Variants in SFXN5 observed in about 807,000 individuals in gnomAD.
The protein encoded by SFXN5 is sideroflexin-5.
Under a neutral mutation model 50.2 loss-of-function variants are expected in SFXN5, and 43 were observed. The observed-to-expected ratio is 0.86, with a 90% CI of 0.67 to 1.11. The LOEUF is 1.11. Ranked by LOEUF, SFXN5 falls within the 50% of genes least tolerant of loss-of-function variation. The probability of loss-of-function intolerance (pLI) is 0.00; values close to 1 mark genes in which losing one functional copy is unlikely to be tolerated. For missense variants in SFXN5, 463 were observed against 454.1 expected, an observed-to-expected ratio of 1.02 and a Z score of -0.18; for synonymous variants, 203 against 185.8, an observed-to-expected ratio of 1.09 and a Z score of -0.75.
At chr2:72,971,497 GAC>G in intron 11 of SFXN5, 71 bp downstream of exon 11, 3 of 1,042,606 alleles carry the variant, frequency 2.9e-6, no homozygotes, top group Non-Finnish European at 4.4e-6. Flanking sequence ...GCCTGTGGAA[GAC>G]ACACGCTAAA....
intron 2 of SFXN5, among the ~76,000 whole-genome samples, chr2:73,041,391 G>A (rs1574203615): frequency 6.6e-6 from 1 of 152,262 alleles, no homozygotes; most frequent in South Asian, 2.1e-4. Context: ...TAATCTTAAT[G>A]TAATGTTGAA....
intron 3 of SFXN5, among the ~76,000 whole-genome samples, chr2:73,035,081 G>A (rs1678804640): frequency 6.6e-6 from 1 of 152,128 alleles, no homozygotes; most frequent in Non-Finnish European, 1.5e-5. Flanking sequence ...TGGAAAATTG[G>A]GTTGATACAG....
Position 73,031,356 on chromosome 2 carries a change from C to T in SFXN5, c.250-8142G>A, listed in dbSNP as rs769462687. On this transcript the variant is annotated intron_variant, in intron 3 of 13. Coordinates refer to ENST00000272433, the MANE Select transcript of SFXN5 (RefSeq NM_144579.3). The stretch of plus-strand genomic sequence containing the variant: ...AGCCTCAGCCATGAAGATAGCACGA[C>T]GCCCAAAGAGATGGTAGAGAAACAT... Among the ~76,000 whole-genome samples the T allele has an allele frequency of 2.6e-5, 4 of 152,174 alleles. No individual in the cohort carries two copies. In the South Asian group the frequency reaches 6.2e-4, roughly 24 times the overall value.
chr2:73,063,902 T>C (rs1049896277), intron 1 of SFXN5, among the ~76,000 whole-genome samples: 1 of 152,212 alleles, frequency 6.6e-6, no homozygotes, highest in Non-Finnish European at 1.5e-5. Context: ...TCAAAATGTA[T>C]AGCCTCCCTC....
At chr2:72,947,958 A>G (rs1188084585) in intron 13 of SFXN5, among the ~76,000 whole-genome samples, 1 of 152,262 alleles carries the variant, frequency 6.6e-6, no homozygotes, top group Non-Finnish European at 1.5e-5. Flanking sequence ...CAAATTAGCA[A>G]AAATTTGTGC....
At chr2:73,003,114 G>T (rs1264977871) in intron 6 of SFXN5, among the ~76,000 whole-genome samples, 2 of 152,044 alleles carry the variant, frequency 1.3e-5, no homozygotes, top group Admixed American at 6.5e-5. Flanking sequence ...CAGACCAGAG[G>T]GAGGGAGCTG....
At chr2:73,007,768 C>T (rs1347387722) in intron 6 of SFXN5, among the ~76,000 whole-genome samples, 2 of 152,154 alleles carry the variant, frequency 1.3e-5, no homozygotes, top group Non-Finnish European at 2.9e-5. Flanking sequence ...CAACAATTGT[C>T]CTGTTTTTTC....
intron 9 of SFXN5, among the ~76,000 whole-genome samples, chr2:72,996,336 C>G (rs571513865): frequency 6.6e-6 from 1 of 152,234 alleles, no homozygotes; most frequent in South Asian, 2.1e-4. Context: ...CTGGGAACCC[C>G]AGAGGGCTCC....
intron 3 of SFXN5, among the ~76,000 whole-genome samples, chr2:73,028,438 C>T (rs2105869292): frequency 6.6e-6 from 1 of 152,328 alleles, no homozygotes; most frequent in East Asian, 1.9e-4. Flanking sequence ...GAGGGCCATG[C>T]AGTCCCCATG....
chr2:72,947,690 G>A (rs1409516307), intron 13 of SFXN5, among the ~76,000 whole-genome samples: 3 of 152,138 alleles, frequency 2.0e-5, no homozygotes, highest in Admixed American at 1.3e-4. Context: ...GAGAAGAGAG[G>A]ACCCTTCCTC....
rs565812498 is a variant in SFXN5 at position 73,053,951 on chromosome 2, T to C, written c.171+4577A>G. ...CATGGTCTGTGGACTGACTCCAGCA[T>C]TGAGGGGGAGCCTGGCCCTCCCAGT... On this transcript the variant is annotated intron_variant, in intron 2 of 13. Transcript: ENST00000272433. Among the ~76,000 whole-genome samples, 15 of 152,258 alleles carry C rather than the reference T, an allele frequency of 9.9e-5. 1 individual carries two copies. The South Asian group carries it at 2.5e-3, about 25-fold the overall frequency.
intron 13 of SFXN5, among the ~76,000 whole-genome samples, chr2:72,954,190 A>G (rs1449036299): frequency 6.6e-6 from 1 of 152,194 alleles, no homozygotes; most frequent in Admixed American, 6.5e-5. Context: ...TCTAATCCCC[A>G]GAACCCTCTA....
intron 6 of SFXN5, among the ~76,000 whole-genome samples, chr2:73,004,405 C>T (rs1674340969): frequency 6.6e-6 from 1 of 151,854 alleles, no homozygotes; most frequent in South Asian, 2.1e-4. Flanking sequence ...GGATGACATC[C>T]TTTATAACAC....
chr2:73,057,812 T>C (rs115484328), intron 2 of SFXN5, among the ~76,000 whole-genome samples: 4,832 of 152,300 alleles, frequency 0.032, 121 homozygotes, highest in Middle Eastern at 0.099. Context: ...GGTTTGTAAG[T>C]GCTCAGAAGC....
chr2:72,971,500 A>G (rs1675164974), intron 11 of SFXN5, 70 bp downstream of exon 11: 2 of 1,097,106 alleles, frequency 1.8e-6, no homozygotes, highest in Non-Finnish European at 2.7e-6. Context: ...TGTGGAAGAC[A>G]CACGCTAAAG....
chr2:73,001,044 G>A lies in SFXN5; in HGVS notation c.411+481C>T, dbSNP rs140830025. 2.6e-5 allele frequency among the ~76,000 whole-genome samples: 4 copies of A among 152,342 alleles called. No individual in the cohort carries two copies. In the East Asian group the frequency reaches 7.7e-4, roughly 29 times the overall value. On this transcript the variant is annotated intron_variant, in intron 7 of 13. Coordinates refer to ENST00000272433, the MANE Select transcript of SFXN5 (RefSeq NM_144579.3). Reference sequence around the variant, plus strand: ...ACACACAAACACAGAGATATCCTCAGTTTTCATGGCATCACAACCCAGACT... The same window carrying A: ...ACACACAAACACAGAGATATCCTCAATTTTCATGGCATCACAACCCAGACT...
At chr2:73,042,814 G>C (rs1336278523) in intron 2 of SFXN5, among the ~76,000 whole-genome samples, 1 of 151,268 alleles carries the variant, frequency 6.6e-6, no homozygotes, top group African/African-American at 2.4e-5. Context: ...GCCAGGTGCA[G>C]TGGCCCACAC....
chr2:73,002,237 A>G (rs1674006150), intron 6 of SFXN5, among the ~76,000 whole-genome samples: 1 of 152,248 alleles, frequency 6.6e-6, no homozygotes, highest in South Asian at 2.1e-4. Context: ...GAAAGGAATG[A>G]ATGAAGAAAT....
intron 12 of SFXN5, among the ~76,000 whole-genome samples, chr2:72,966,377 G>A (rs774361178): frequency 1.3e-4 from 20 of 152,258 alleles, no homozygotes; most frequent in Non-Finnish European, 2.6e-4. Context: ...CACCTGCCCC[G>A]CTTGCTCCCT....
Sources: gnomAD v4.1 joint callset for allele counts (sites outside exome capture counted in the v4.1 genomes callset) on GRCh38, gnomAD v4.1.1 for gene constraint, MANE v1.5 for transcripts, NCBI Gene and HGNC (gene_info 2026-07-23, HGNC 2026-07-21) for gene names.